The following RARS2 variants were observed in gnomAD, a reference collection of about 807,000 sequenced individuals.
The protein encoded by RARS2 is probable arginine--tRNA ligase, mitochondrial.
A neutral mutation model predicts 88.5 loss-of-function variants in RARS2; 67 were observed. That is an observed-to-expected ratio of 0.76 (90% CI 0.62 to 0.93). RARS2 has a LOEUF of 0.93. RARS2 is among the 40% of genes least tolerant of loss of function. RARS2 has a pLI of 0.00. For synonymous variants in RARS2, 239 were observed against 230.3 expected (o/e 1.04, Z -0.34); for missense variants, 664 against 684.2 (o/e 0.97, Z 0.33).
chr6:87,541,405 G>A (rs1460737978), intron 8 of RARS2, among the ~76,000 whole-genome samples: 1 of 152,182 alleles, frequency 6.6e-6, no homozygotes, highest in Non-Finnish European at 1.5e-5. Flanking sequence ...TTGAACTCCT[G>A]GTGTCAAGCA....
chr6:87,583,090 T>C (rs556281368), intron 1 of RARS2, among the ~76,000 whole-genome samples: 139 of 152,176 alleles, frequency 9.1e-4, no homozygotes, highest in South Asian at 9.1e-3. Context: ...AAATAAACAA[T>C]TACATATTAA....
At chr6:87,525,833 A>G (rs968127324) in intron 10 of RARS2, among the ~76,000 whole-genome samples, 7 of 152,162 alleles carry the variant, frequency 4.6e-5, no homozygotes, top group African/African-American at 1.7e-4. Flanking sequence ...GGCGTGAGCC[A>G]CCGCGCCCAG....
intron 5 of RARS2, among the ~76,000 whole-genome samples, chr6:87,555,108 T>TAAATAAAC (rs2128143663): frequency 7.4e-6 from 1 of 135,824 alleles, no homozygotes; most frequent in South Asian, 2.2e-4. Context: ...CAAAAATAAA[T>TAAATAAAC]AAATAAATAA....
At chr6:87,569,916 A>C (rs893246336) in intron 1 of RARS2, among the ~76,000 whole-genome samples, 1 of 152,024 alleles carries the variant, frequency 6.6e-6, no homozygotes, top group Non-Finnish European at 1.5e-5. Context: ...AAGTATGGCA[A>C]GAGAGGAGAT....
At chr6:87,544,440 G>A (rs2128114739) in intron 7 of RARS2, among the ~76,000 whole-genome samples, 1 of 152,324 alleles carries the variant, frequency 6.6e-6, no homozygotes, top group African/African-American at 2.4e-5. Flanking sequence ...GGGCAGGGAA[G>A]CACACAAATA....
intron 5 of RARS2, among the ~76,000 whole-genome samples, chr6:87,551,943 C>T (rs899711254): frequency 1.3e-5 from 2 of 152,172 alleles, no homozygotes; most frequent in African/African-American, 4.8e-5. Flanking sequence ...AGAGAGGAAA[C>T]AGTAATTAGC....
chr6:87,584,559 G>A, intron 1 of RARS2: 3 of 318,218 alleles, frequency 9.4e-6, no homozygotes, highest in Non-Finnish European at 1.9e-5. Flanking sequence ...TCTTACAGCT[G>A]ACTTGCCAAG....
At chr6:87,588,294 T>C (rs746910737) in intron 1 of RARS2, among the ~76,000 whole-genome samples, 13 of 152,284 alleles carry the variant, frequency 8.5e-5, no homozygotes, top group Non-Finnish European at 1.5e-4. Context: ...TTTACTGTTC[T>C]AGAAGACTTC....
chr6:87,589,666 G>C (rs1393338003), intron 1 of RARS2: 1 of 985,126 alleles, frequency 1.0e-6, no homozygotes, highest in East Asian at 1.1e-4. Context: ...ATTCATAGCT[G>C]TGGGGTGGGA....
rs1336737845 is a variant in RARS2 at position 87,569,587 on chromosome 6, A to G, written c.40T>C (p.Ser14Pro). The change falls in exon 2 of 20, where the codon TCC becomes CCC. Residue 14 changes from serine (S) to proline (P), a missense_variant. Ser to Pro is a moderately conservative substitution (Grantham distance 74). Coordinates refer to ENST00000369536, the MANE Select transcript of RARS2 (RefSeq NM_020320.5). The stretch of plus-strand genomic sequence containing the variant: ...TCTGGTGGAAGATTCAACACTCTGG[A>G]AAGCTAAAAATCAAAAAGAACAAAA... ...GFRRAIACQL[S>P]RVLNLPPENL... is the part of the protein sequence containing the mutation. 1 of 1,604,214 alleles carries G rather than the reference A, an allele frequency of 6.2e-7. No homozygotes were observed. The highest frequency in any genetic ancestry group is 8.5e-7 in the Non-Finnish European group (1 of 1,171,210).
intron 6 of RARS2, among the ~76,000 whole-genome samples, chr6:87,546,905 C>A (rs567317905): frequency 2.0e-5 from 3 of 152,280 alleles, no homozygotes; most frequent in Admixed American, 1.3e-4. Context: ...ACACAGATGG[C>A]ATATTCCTAT....
intron 5 of RARS2, among the ~76,000 whole-genome samples, chr6:87,551,368 A>G (rs62417680): frequency 0.064 from 9,662 of 152,076 alleles, 388 homozygotes; most frequent in African/African-American, 0.12. Flanking sequence ...GCTCACGTCT[A>G]TAATACCAGC....
At position 87,557,614 on chromosome 6, in the gene RARS2, T is replaced by G. The variant is rs115675821; in HGVS notation, c.298-2109A>C. On this transcript the variant is annotated intron_variant, in intron 4 of 19. Coordinates refer to ENST00000369536, the MANE Select transcript of RARS2 (RefSeq NM_020320.5). ...CATTTAAAATAAGGCTGAAGTCCCT[T>G]TCGATCATCTGTCCTTATCCTAATT... Among the ~76,000 whole-genome samples the G allele has an allele frequency of 9.1e-3, 1,384 of 152,326 alleles. 21 individuals carry two copies. Among genetic ancestry groups the G allele is most frequent in the African/African-American group, 0.031 (1,289 of 41,572 alleles).
intron 10 of RARS2, among the ~76,000 whole-genome samples, chr6:87,527,774 GC>G (rs1472558138): frequency 1.3e-5 from 2 of 152,072 alleles, no homozygotes; most frequent in Non-Finnish European, 2.9e-5. Flanking sequence ...TAAAAAGTGG[GC>G]CAAAGAAGCC....
chr6:87,587,489 A>C (rs1275150394), intron 1 of RARS2, among the ~76,000 whole-genome samples: 1 of 152,230 alleles, frequency 6.6e-6, no homozygotes, highest in Non-Finnish European at 1.5e-5. Flanking sequence ...GTATAAATCC[A>C]TTAGATTCTG....
At chr6:87,564,976 T>C (rs1240094101) in intron 2 of RARS2, among the ~76,000 whole-genome samples, 1 of 152,084 alleles carries the variant, frequency 6.6e-6, no homozygotes, top group Admixed American at 6.5e-5. Context: ...GAGAATTGCT[T>C]GAACCCAGGA....
intron 1 of RARS2, among the ~76,000 whole-genome samples, chr6:87,586,264 G>A (rs1385660048): frequency 6.6e-6 from 1 of 152,006 alleles, no homozygotes; most frequent in African/African-American, 2.4e-5. Flanking sequence ...AAGATATAAA[G>A]ATAAAATCAA....
intron 8 of RARS2, among the ~76,000 whole-genome samples, chr6:87,539,642 G>A (rs1314068908): frequency 6.6e-6 from 1 of 152,120 alleles, no homozygotes; most frequent in African/African-American, 2.4e-5. Flanking sequence ...GTGAGGTTCC[G>A]TTCCAGCCAA....
At chr6:87,531,445 C>T (rs756720327) in intron 8 of RARS2, among the ~76,000 whole-genome samples, 4 of 152,260 alleles carry the variant, frequency 2.6e-5, no homozygotes, top group East Asian at 3.9e-4. Context: ...AAACAGCTAA[C>T]GGATGATTTA....
Sources: gnomAD v4.1 joint callset for allele counts (sites outside exome capture counted in the v4.1 genomes callset) on GRCh38, gnomAD v4.1.1 for gene constraint, MANE v1.5 for transcripts, NCBI Gene and HGNC (gene_info 2026-07-23, HGNC 2026-07-21) for gene names.